The following INTS1 variants were observed in gnomAD, a reference collection of about 807,000 sequenced individuals.
INTS1 encodes integrator complex subunit 1.
In INTS1, 137 loss-of-function variants were observed where a neutral mutation model predicts 241.6. The ratio of observed to expected loss-of-function variants is 0.57; its 90% CI spans 0.49 to 0.65. INTS1 has a LOEUF of 0.65. Ranked by LOEUF, INTS1 falls within the 30% of genes least tolerant of loss-of-function variation. INTS1 has a pLI of 0.00. For synonymous variants in INTS1, 1,692 were observed against 1,337.8 expected (o/e 1.26, Z -5.78); for missense variants, 3,073 against 3,032.2 (o/e 1.01, Z -0.32).
At chr7:1,500,056 G>A (rs1783085335) in intron 4 of INTS1, 35 bp from the exon 5 acceptor site, 9 of 1,606,760 alleles carry the variant, frequency 5.6e-6, no homozygotes, top group South Asian at 2.2e-5. Flanking sequence ...TGGGAGCTTC[G>A]CTGGCCCCAG....
chr7:1,498,016 C>A (rs1422326472), intron 10 of INTS1, among the ~76,000 whole-genome samples: 1 of 151,770 alleles, frequency 6.6e-6, no homozygotes, highest in Non-Finnish European at 1.5e-5. Flanking sequence ...GAGTTTGAGA[C>A]CAGCCTGGGC....
Position 1,479,683 on chromosome 7 carries a change from A to C in INTS1, c.4076T>G (p.Ile1359Ser). The change falls in exon 31 of 48, where the codon ATT becomes AGT. Residue 1359 changes from isoleucine (I) to serine (S), a missense_variant and splice_region_variant. Physicochemically the swap from Ile to Ser is moderately radical, Grantham distance 142. Transcript: ENST00000404767. ...EDDLAGMFLQ[I>S]FPLSPDPRWQ... Reference sequence around the variant, plus strand: ...CCGAGGGTCCGGGCTGAGCGGGAAAATCTGGAACGGGGAAGGCCAGTGTCA... The same window carrying C: ...CCGAGGGTCCGGGCTGAGCGGGAAACTCTGGAACGGGGAAGGCCAGTGTCA... 1 of 1,463,908 alleles carries C rather than the reference A, an allele frequency of 6.8e-7. No individual in the cohort carries two copies. The highest frequency in any genetic ancestry group is 1.4e-5 in the South Asian group (1 of 71,224). The allele number at this position is 1,463,908 out of a possible 1,614,324, so 90.7% of individuals were successfully genotyped here.
chr7:1,478,647 G>T, intron 32 of INTS1, 79 bp downstream of exon 32: 1 of 1,487,774 alleles, frequency 6.7e-7, no homozygotes, highest in East Asian at 2.5e-5. Flanking sequence ...AGGCCTCGGG[G>T]TGCCAGGCAG....
rs182630317 is a variant in INTS1 at position 1,497,267 on chromosome 7, G to A, written c.1473C>T (p.Tyr491=). 5.1e-4 allele frequency: 829 copies of A among 1,613,474 alleles called. 6 individuals carry two copies. In the African/African-American group the frequency reaches 9.4e-3, roughly 18 times the overall value. ...GCAGCAGGGCCCGCGAGGCCCGCAG[G>A]TAGTCGTCCTTGTTGGTCAGCAGGT... The part of the protein sequence containing the change: ...FQDLLTNKDD[Y]LRASRALLRE... Residue 491 remains tyrosine, a synonymous_variant, in exon 11 of 48, where the codon TAC becomes TAT. Transcript: ENST00000404767. This position sits in a 1 kb window ranked among gnomAD's most constrained non-coding sequence, Gnocchi z 5.3.
chr7:1,490,264 G>A (rs1333669934), intron 16 of INTS1, among the ~76,000 whole-genome samples: 2 of 152,162 alleles, frequency 1.3e-5, no homozygotes, highest in Admixed American at 6.5e-5. Flanking sequence ...AAGTGCGTCC[G>A]ACCAAAACTC....
chr7:1,498,642 G>A (rs1250119008), intron 9 of INTS1, 65 bp downstream of exon 9: 50 of 470,184 alleles, frequency 1.1e-4, no homozygotes, highest in East Asian at 5.3e-4. Context: ...CCCCCGCTCC[G>A]CCCACACCCC....
chr7:1,471,529 G>C (rs748431961), intron 45 of INTS1, 42 bp downstream of exon 45: 3 of 1,596,268 alleles, frequency 1.9e-6, no homozygotes, highest in Non-Finnish European at 2.6e-6. Context: ...TTCCCCAAGG[G>C]AGTGGCTCCT....
At chr7:1,482,734 C>T in intron 26 of INTS1, 27 bp from the exon 27 acceptor site, 4 of 1,608,356 alleles carry the variant, frequency 2.5e-6, no homozygotes, top group Non-Finnish European at 3.4e-6. Flanking sequence ...GGGTGAGCAG[C>T]CTTCAGACCC....
At chr7:1,494,607 C>T (rs1037278867) in intron 14 of INTS1, 15 of 616,312 alleles carry the variant, frequency 2.4e-5, no homozygotes, top group Admixed American at 8.0e-5. Flanking sequence ...TGGACGCAGA[C>T]GGCAGCTGAA....
At chr7:1,483,664 G>A in intron 26 of INTS1, 78 bp downstream of exon 26, 2 of 1,101,252 alleles carry the variant, frequency 1.8e-6, no homozygotes, top group Non-Finnish European at 2.7e-6. Context: ...AGGCAAGGAT[G>A]CGGAAGCCGC....
chr7:1,474,606 G>C, intron 40 of INTS1, 99 bp downstream of exon 40: 1 of 1,416,408 alleles, frequency 7.1e-7, no homozygotes, highest in Non-Finnish European at 9.4e-7. Context: ...GCTTTTTTTT[G>C]TTGTTTTTGG....
intron 34 of INTS1, 38 bp downstream of exon 34, chr7:1,477,715 G>A (rs372460669): frequency 4.4e-6 from 7 of 1,605,634 alleles, no homozygotes; most frequent in Middle Eastern, 1.7e-4. Flanking sequence ...GGTGCCACCC[G>A]CCTGCCCACC....
In INTS1 at chr7:1,477,946, G is replaced by C; in HGVS notation, c.4631-10C>G. 6.2e-7 allele frequency: 1 copy of C among 1,611,568 alleles called. No homozygotes were observed. Among genetic ancestry groups the C allele is most frequent in the South Asian group, 1.1e-5 (1 of 91,052 alleles). On this transcript the variant is annotated splice_polypyrimidine_tract_variant and intron_variant, in intron 33 of 47. Transcript: ENST00000404767. ...ATCAGCCCCTGGAGGACTGCGCAAG[G>C]GACAAAGAGACATGTGGGTCACTCC...
chr7:1,476,976 G>T (rs1265046867), intron 35 of INTS1, 58 bp from the exon 36 acceptor site: 31 of 1,554,780 alleles, frequency 2.0e-5, no homozygotes, highest in Non-Finnish European at 2.7e-5. Flanking sequence ...AGGCTCTGCT[G>T]AAGTCAGCTG....
intron 39 of INTS1, among the ~76,000 whole-genome samples, chr7:1,475,069 G>A (rs759909310): frequency 1.3e-5 from 2 of 152,234 alleles, no homozygotes; most frequent in South Asian, 2.1e-4. Flanking sequence ...ATGATACAAT[G>A]AGCGGGAAAC....
intron 1 of INTS1, 73 bp downstream of exon 1, chr7:1,504,250 G>A (rs1465192911): frequency 8.4e-6 from 5 of 593,820 alleles, no homozygotes; most frequent in East Asian, 3.7e-5. Flanking sequence ...CGGCCCAGAG[G>A]CCGGGAGCGG....
chr7:1,495,574 A>C (rs777907516), intron 12 of INTS1, 21 bp from the exon 13 acceptor site: 31 of 1,600,746 alleles, frequency 1.9e-5, no homozygotes, highest in Non-Finnish European at 1.1e-5. Context: ...CACGCAGCTT[A>C]GTGGCCCATC....
At position 1,502,945 on chromosome 7, in the gene INTS1, G is replaced by A; in HGVS notation, c.305C>T (p.Ala102Val). Residue 102 changes from alanine (A) to valine (V), a missense_variant, in exon 3 of 48, where the codon GCC becomes GTC. Transcript: ENST00000404767. The part of the protein sequence containing the change: ...LAEAAVAEKR[A>V]ISPSIKEPSV... ...TGGCTCTTTAATCGACGGAGAAATG[G>A]CTCGTTTTTCTGCCACTGCAGCCTC... 1 of 1,613,808 alleles carries A rather than the reference G, an allele frequency of 6.2e-7. No homozygotes were observed. Among genetic ancestry groups the A allele is most frequent in the Non-Finnish European group, 8.5e-7 (1 of 1,179,880 alleles).
chr7:1,477,002 A>C (rs1781757238), intron 35 of INTS1, 84 bp from the exon 36 acceptor site: 4 of 1,488,322 alleles, frequency 2.7e-6, no homozygotes. Flanking sequence ...TTCCCCAATG[A>C]GCCACTCAGA....
Sources: allele counts gnomAD v4.1 joint callset (sites outside exome capture counted in the v4.1 genomes callset), GRCh38; gene constraint gnomAD v4.1.1; non-coding constraint Gnocchi (gnomAD v3.1); transcripts MANE v1.5; gene names NCBI Gene and HGNC (gene_info 2026-07-23, HGNC 2026-07-21).